The following ZNF829 variants were observed in gnomAD, a reference collection of about 807,000 sequenced individuals.
ZNF829 encodes the protein zinc finger protein 829.
A neutral mutation model predicts 35.2 loss-of-function variants in ZNF829; 25 were observed. The ratio of observed to expected loss-of-function variants is 0.71; its 90% confidence interval spans 0.52 to 0.99. ZNF829 has a LOEUF of 0.99. Among genes scored for constraint, ZNF829 ranks in the 50% least tolerant of loss-of-function variants. ZNF829 has a pLI of 0.00. For synonymous variants in ZNF829, 136 were observed against 163.2 expected, an observed-to-expected ratio of 0.83 and a Z score of 1.27; for missense variants, 417 against 515.3, an observed-to-expected ratio of 0.81 and a Z score of 1.85.
rs1212905810 is a variant in ZNF829 at position 36,891,510 on chromosome 19, C to G, written c.1281G>C (p.Glu427Asp). The G allele has an allele frequency of 6.4e-7, 1 of 1,564,744 alleles. No homozygotes were observed. Among genetic ancestry groups the G allele is most frequent in the South Asian group, 1.2e-5 (1 of 82,074 alleles). Residue 427 changes from glutamate to aspartate, a missense_variant, in exon 6 of 6, where the codon GAG becomes GAC. By Grantham distance (45) the Glu-to-Asp change is conservative (BLOSUM62 2). Coordinates refer to ENST00000391711, the MANE Select transcript of ZNF829 (RefSeq NM_001037232.4). ...FGSRSDLIRH[E>D]GIHTG ...CTGTCATTCAACCAGTATGAATTCC[C>G]TCATGGCGAATGAGGTCAGAGCGAC... is the stretch of plus-strand genomic sequence containing the variant.
At position 36,889,024 on chromosome 19, in the gene ZNF829, G is replaced by A. The variant is rs1448642162; in HGVS notation, c.*2468C>T. ...TGACATCATGTGATCTGCCCGCCTT[G>A]GCCTTGCAAAGTGCTGGGATTACAG... On this transcript the variant is annotated 3_prime_UTR_variant, in exon 6 of 6. Transcript: ENST00000391711. 2 of 152,268 alleles carry A rather than the reference G, an allele frequency of 1.3e-5. No individual in the cohort carries two copies. The highest frequency in any genetic ancestry group is 2.1e-4 in the South Asian group (1 of 4,822). The allele number at this position is 152,268 out of a possible 1,614,324, so 9.4% of individuals were successfully genotyped here.
At chr19:36,898,381 C>G (rs1455169639) in intron 5 of ZNF829, among the ~76,000 whole-genome samples, 1 of 152,094 alleles carries the variant, frequency 6.6e-6, no homozygotes, top group African/African-American at 2.4e-5. Flanking sequence ...TATTTGCATG[C>G]TTATGCACTG....
At chr19:36,910,729 G>A (rs374449364) in intron 3 of ZNF829, among the ~76,000 whole-genome samples, 2 of 152,080 alleles carry the variant, frequency 1.3e-5, no homozygotes, top group Non-Finnish European at 2.9e-5. Flanking sequence ...TAATCAGGCC[G>A]GGTGCGGTAG....
chr19:36,914,861 A>G, intron 3 of ZNF829, 104 bp downstream of exon 3: 1 of 1,046,458 alleles, frequency 9.6e-7, no homozygotes, highest in Non-Finnish European at 1.5e-6. Context: ...GCATAAGTGG[A>G]GCAACCATCC....
Position 36,902,049 on chromosome 19 carries a change from A to G in ZNF829, c.319+5880T>C, listed in dbSNP as rs995301089. ...GATGAAGATTCACCAAATAAACTCT[A>G]TACTTTGGTTATCTATGTATCTGTT... On this transcript the variant is annotated intron_variant, in intron 5 of 5. Transcript: ENST00000391711. 6.8e-5 allele frequency: 40 copies of G among 587,456 alleles called. No individual in the cohort carries two copies. In the African/African-American group the frequency reaches 7.1e-4, roughly 10 times the overall value. The allele number at this position is 587,456 out of a possible 1,614,324, so 36.4% of individuals were successfully genotyped here.
Position 36,889,232 on chromosome 19 carries a change from A to G in ZNF829, c.*2260T>C, listed in dbSNP as rs1217828503. On this transcript the variant is annotated 3_prime_UTR_variant, in exon 6 of 6. Coordinates refer to ENST00000391711, the MANE Select transcript of ZNF829 (RefSeq NM_001037232.4). ...GCTGAAGATTTTTGTGTCTATTTTCATCAGGGATATTGGCTTGTAGTTTTT... is the reference window on the plus strand; with the variant it reads ...GCTGAAGATTTTTGTGTCTATTTTCGTCAGGGATATTGGCTTGTAGTTTTT... 6.6e-6 allele frequency: 1 copy of G among 152,008 alleles called. No homozygotes were observed. The highest frequency in any genetic ancestry group is 2.4e-5 in the African/African-American group (1 of 41,394). 9.4% of individuals were successfully genotyped at this position (152,008 alleles called of 1,614,324 possible). A position where few individuals can be genotyped will look rare whatever the true frequency, so the allele number is the denominator to read the frequency against.
chr19:36,891,405 T>C lies in ZNF829; in HGVS notation c.*87A>G, dbSNP rs2073050027. 7.4e-7 allele frequency: 1 copy of C among 1,342,290 alleles called. No individual in the cohort carries two copies. Among genetic ancestry groups the C allele is most frequent in the Non-Finnish European group, 1.0e-6 (1 of 1,004,918 alleles). 83.1% of individuals were successfully genotyped at this position (1,342,290 alleles called of 1,614,324 possible). ...AAAAACGAATACATAGGAGAACCTTTGATAATATGTATCCTAATTTGTTCT... is the reference window on the plus strand; with the variant it reads ...AAAAACGAATACATAGGAGAACCTTCGATAATATGTATCCTAATTTGTTCT... On this transcript the variant is annotated 3_prime_UTR_variant, in exon 6 of 6. Transcript: ENST00000391711.
Position 36,888,959 on chromosome 19 carries a change from A to G in ZNF829, c.*2533T>C, listed in dbSNP as rs1395594789. Reference sequence around the variant, plus strand: ...GCCAATTTTTCTATTTTTAGTAGAGACAGGGTTTCGCCATGTCAGCCAGAC... The same window carrying G: ...GCCAATTTTTCTATTTTTAGTAGAGGCAGGGTTTCGCCATGTCAGCCAGAC... On this transcript the variant is annotated 3_prime_UTR_variant, in exon 6 of 6. Transcript: ENST00000391711. The G allele has an allele frequency of 6.6e-6, 1 of 152,174 alleles. No homozygotes were observed. The highest frequency in any genetic ancestry group is 1.5e-5 in the Non-Finnish European group (1 of 68,058). 9.4% of individuals were successfully genotyped at this position (152,174 alleles called of 1,614,324 possible).
At chr19:36,905,054 T>C (rs573848928) in intron 5 of ZNF829, among the ~76,000 whole-genome samples, 10 of 152,292 alleles carry the variant, frequency 6.6e-5, no homozygotes, top group African/African-American at 1.4e-4. Flanking sequence ...GCTAACTCCA[T>C]AGGTAACAAC....
rs1365047857 is a variant in ZNF829, at chr19:36,892,110, A to C, written c.681T>G (p.Phe227Leu). 6.2e-7 allele frequency: 1 copy of C among 1,613,942 alleles called. No individual in the cohort carries two copies. The highest frequency in any genetic ancestry group is 2.2e-5 in the East Asian group (1 of 44,842). The part of the protein sequence containing the change: ...CGKAFSCSSY[F>L]SQHQRIHTGE... ...CAGTGTGAATCCTCTGATGTTGAGA[A>C]AAATATGAACTACAACTAAAAGCCT... Residue 227 changes from phenylalanine (F) to leucine (L), a missense_variant, in exon 6 of 6, where the codon TTT becomes TTG. Transcript: ENST00000391711.
intron 5 of ZNF829, chr19:36,901,762 T>C: frequency 1.9e-6 from 1 of 529,862 alleles, no homozygotes; most frequent in Non-Finnish European, 3.5e-6. Flanking sequence ...CAAAGAAGGG[T>C]GGTGAGAAGA....
At chr19:36,914,393 TAA>T (rs1250442655) in intron 3 of ZNF829, among the ~76,000 whole-genome samples, 1 of 151,948 alleles carries the variant, frequency 6.6e-6, no homozygotes, top group African/African-American at 2.4e-5. Flanking sequence ...GAAAAATGAG[TAA>T]AGATTTGAAC....
At chr19:36,896,306 CAA>C (rs536542334) in intron 5 of ZNF829, among the ~76,000 whole-genome samples, 5 of 105,800 alleles carry the variant, frequency 4.7e-5, no homozygotes, top group East Asian at 2.8e-4. Flanking sequence ...GCAAGACTGT[CAA>C]AAAAAAAAAA....
intron 5 of ZNF829, among the ~76,000 whole-genome samples, chr19:36,901,245 A>G (rs2146237633): frequency 6.6e-6 from 1 of 152,368 alleles, no homozygotes; most frequent in African/African-American, 2.4e-5. Context: ...GCATTAAGTT[A>G]TGAAATAGGG....
At chr19:36,907,803 G>GAAAA in intron 5 of ZNF829, 126 bp downstream of exon 5, 1 of 595,458 alleles carries the variant, frequency 1.7e-6, no homozygotes, top group Non-Finnish European at 2.7e-6. Context: ...AAAAGTATGA[G>GAAAA]AAAAAAAAAA....
rs2073065863 is a variant in ZNF829 at position 36,892,418 on chromosome 19, T to C, written c.373A>G (p.Ser125Gly). ...KILSLKKRHFSQVIITREDMS... is the reference protein window; with the variant it reads ...KILSLKKRHFGQVIITREDMS... ...TCTTCACGGGTAATTATTACTTGACTGAAATGTCTCTTCTTTAGAGATAAT... is the reference window on the plus strand; with the variant it reads ...TCTTCACGGGTAATTATTACTTGACCGAAATGTCTCTTCTTTAGAGATAAT... The change falls in exon 6 of 6, where the codon AGT becomes GGT. Residue 125 changes from serine (S) to glycine (G), a missense_variant. Physicochemically the swap from Ser to Gly is moderately conservative, Grantham distance 56. Coordinates refer to ENST00000391711, the MANE Select transcript of ZNF829 (RefSeq NM_001037232.4). 1 of 1,609,612 alleles carries C rather than the reference T, an allele frequency of 6.2e-7. No individual in the cohort carries two copies. The highest frequency in any genetic ancestry group is 8.5e-7 in the Non-Finnish European group (1 of 1,179,516).
chr19:36,892,255 A>G lies in ZNF829; in HGVS notation c.536T>C (p.Phe179Ser). 2 of 1,614,048 alleles carry G rather than the reference A, an allele frequency of 1.2e-6. No homozygotes were observed. The highest frequency in any genetic ancestry group is 1.7e-6 in the Non-Finnish European group (2 of 1,180,028). Residue 179 changes from phenylalanine to serine, a missense_variant, in exon 6 of 6, where the codon TTT becomes TCT. Physicochemically the swap from Phe to Ser is radical, Grantham distance 155. Coordinates refer to ENST00000391711, the MANE Select transcript of ZNF829 (RefSeq NM_001037232.4). Reference sequence around the variant, plus strand: ...CTTAGATTCATAGTGTTTTTCACCAAAATGAATTCTCTGATGTTGGATAAA... The same window carrying G: ...CTTAGATTCATAGTGTTTTTCACCAGAATGAATTCTCTGATGTTGGATAAA... ...SQFIQHQRIH[F>S]GEKHYESKEY... is the part of the protein sequence containing the mutation.
chr19:36,899,633 C>T (rs2073144486), intron 5 of ZNF829, among the ~76,000 whole-genome samples: 1 of 149,478 alleles, frequency 6.7e-6, no homozygotes, highest in Admixed American at 6.7e-5. Flanking sequence ...TAATTTGTAT[C>T]GATAAAAACT....
chr19:36,905,415 T>A (rs2073206720), intron 5 of ZNF829: 1 of 151,652 alleles, frequency 6.6e-6, no homozygotes, highest in African/African-American at 2.4e-5. Flanking sequence ...TTCAAATGAC[T>A]ATATAAGCTA....
Sources: gnomAD v4.1 joint callset for allele counts (sites outside exome capture counted in the v4.1 genomes callset) on GRCh38, gnomAD v4.1.1 for gene constraint, MANE v1.5 for transcripts, NCBI Gene and HGNC (gene_info 2026-07-23, HGNC 2026-07-21) for gene names.